RGSL1: variants seen among roughly 807,000 people sequenced by gnomAD.
RGSL1 encodes regulator of G protein signaling protein-like.
In RGSL1, 97 loss-of-function variants were observed where a neutral mutation model predicts 124.7. The observed-to-expected ratio is 0.78, with a 90% CI of 0.66 to 0.92. RGSL1 has a LOEUF of 0.92. Ranked by LOEUF, RGSL1 falls within the 40% of genes least tolerant of loss-of-function variation. The pLI is 0.00. For missense variants in RGSL1, 1,233 were observed against 1,288.4 expected (o/e 0.96, Z 0.66); for synonymous variants, 424 against 438.1 (o/e 0.97, Z 0.40).
At chr1:182,480,183 G>A (rs1654588660) in intron 6 of RGSL1, among the ~76,000 whole-genome samples, 1 of 152,174 alleles carries the variant, frequency 6.6e-6, no homozygotes, top group South Asian at 2.1e-4. Context: ...AACAGCAACA[G>A]AATAATTATT....
At chr1:182,544,552 T>C (rs1313280834) in intron 15 of RGSL1, among the ~76,000 whole-genome samples, 4 of 151,966 alleles carry the variant, frequency 2.6e-5, no homozygotes, top group African/African-American at 9.7e-5. Flanking sequence ...TTGTTGTTGA[T>C]TTTCTATCTG....
chr1:182,496,819 G>C (rs1655946207), intron 9 of RGSL1, among the ~76,000 whole-genome samples: 2 of 152,162 alleles, frequency 1.3e-5, no homozygotes, highest in Admixed American at 1.3e-4. Context: ...AAAGATGCAA[G>C]ATGCAATCTA....
rs541288266 is a variant in RGSL1 at position 182,469,164 on chromosome 1, G to A, written c.302-3232G>A. Among the ~76,000 whole-genome samples the A allele has an allele frequency of 2.3e-4, 35 of 151,962 alleles. No homozygotes were observed. The South Asian group carries it at 7.3e-3, about 32-fold the overall frequency. On this transcript the variant is annotated intron_variant, in intron 4 of 21. Transcript: ENST00000294854. Reference sequence around the variant, plus strand: ...AAGGAAGAAGCAACAACAAAGAATTGGGCTTCATAAAAAATCAAAAAACTT... The same window carrying A: ...AAGGAAGAAGCAACAACAAAGAATTAGGCTTCATAAAAAATCAAAAAACTT...
At chr1:182,459,402 G>A (rs1018456011) in intron 3 of RGSL1, among the ~76,000 whole-genome samples, 12 of 152,084 alleles carry the variant, frequency 7.9e-5, no homozygotes, top group African/African-American at 2.2e-4. Flanking sequence ...ACAAGGTTTC[G>A]CTTTCCCTGA....
Position 182,474,049 on chromosome 1 carries a change from A to T in RGSL1, c.938A>T (p.His313Leu). ...TRISSLEKDM[H>L]YAKISSMENK... The stretch of plus-strand genomic sequence containing the variant: ...ATCAGTTCCCTGGAAAAGGATATGC[A>T]TTATGCAAAAATATCCAGCATGGAG... Residue 313 changes from histidine to leucine, a missense_variant, in exon 6 of 22, where the codon CAT becomes CTT. Transcript: ENST00000294854. 1 of 1,551,824 alleles carries T rather than the reference A, an allele frequency of 6.4e-7. No individual in the cohort carries two copies. The highest frequency in any genetic ancestry group is 2.0e-5 in the Admixed American group (1 of 51,012).
At chr1:182,516,437 C>T (rs1439640392) in intron 9 of RGSL1, among the ~76,000 whole-genome samples, 1 of 152,220 alleles carries the variant, frequency 6.6e-6, no homozygotes, top group Non-Finnish European at 1.5e-5. Context: ...GGATTGAGCT[C>T]ATTTACATTC....
intron 1 of RGSL1, among the ~76,000 whole-genome samples, chr1:182,451,490 GA>G (rs1651825363): frequency 8.7e-6 from 1 of 115,372 alleles, no homozygotes; most frequent in Admixed American, 8.5e-5. Flanking sequence ...CTGTGCTTAA[GA>G]AAACATTTGA....
chr1:182,530,157 A>C, intron 11 of RGSL1, 87 bp from the exon 12 acceptor site: 1 of 971,646 alleles, frequency 1.0e-6, no homozygotes, highest in Non-Finnish European at 1.5e-6. Flanking sequence ...TGAGACTCTA[A>C]GATAAAAAAA....
At chr1:182,518,724 G>A (rs1050727654) in intron 9 of RGSL1, among the ~76,000 whole-genome samples, 1 of 152,174 alleles carries the variant, frequency 6.6e-6, no homozygotes, top group Non-Finnish European at 1.5e-5. Context: ...AATGCGGGGA[G>A]GGGTATCTCA....
Position 182,554,689 on chromosome 1 carries a change from CA to C in RGSL1, c.3194del (p.Gln1065ArgfsTer29), listed in dbSNP as rs773724838. The C allele has an allele frequency of 9.7e-6, 15 of 1,551,672 alleles. No homozygotes were observed. The South Asian group carries it at 1.5e-4, about 16-fold the overall frequency. ...ATCTGCCATGCAGCTGCATCCCGTC[CA>C]GGGGTAGGCATGAGCTGGAAATCCT... ...VVSAMQLHPVQGQKLSYIKKE... is the reference protein window; with the variant it reads ...VVSAMQLHPVXGQKLSYIKKE... On this transcript the variant is annotated frameshift_variant, in exon 20 of 22. Transcript: ENST00000294854. LOFTEE classifies it high-confidence loss of function.
chr1:182,466,642 A>T (rs1653353995), intron 4 of RGSL1, among the ~76,000 whole-genome samples: 1 of 152,186 alleles, frequency 6.6e-6, no homozygotes, highest in Non-Finnish European at 1.5e-5. Context: ...GACTTGCACA[A>T]TAAAAACTAC....
chr1:182,466,180 G>A (rs1306605567), intron 4 of RGSL1, among the ~76,000 whole-genome samples: 2 of 151,736 alleles, frequency 1.3e-5, no homozygotes, highest in African/African-American at 2.4e-5. Flanking sequence ...CATAATAAAA[G>A]CTACATATGA....
rs192452736 is a variant in RGSL1 at position 182,460,046 on chromosome 1, C to T, written c.214C>T (p.Arg72Ter). Residue 72 changes from arginine (R) to a stop codon, truncating the protein, a stop_gained, in exon 4 of 22, where the codon CGA (arginine) becomes TGA (stop). Coordinates refer to ENST00000294854, the MANE Select transcript of RGSL1 (RefSeq NM_001137669.2). LOFTEE classifies it high-confidence loss of function. ...KGLLTWLEKC[R>*]LPFFCKTNLC... Reference sequence around the variant, plus strand: ...GTTATTGACCTGGTTGGAAAAATGCCGATTACCTTTCTTCTGTAAAACAAA... The same window carrying T: ...GTTATTGACCTGGTTGGAAAAATGCTGATTACCTTTCTTCTGTAAAACAAA... The T allele has an allele frequency of 3.3e-5, 51 of 1,551,556 alleles. No individual in the cohort carries two copies. In the African/African-American group the frequency reaches 4.5e-4, roughly 14 times the overall value.
chr1:182,454,012 A>AT lies in RGSL1; in HGVS notation c.74dup (p.Asn26GlnfsTer18), dbSNP rs749100022. Reference sequence around the variant, plus strand: ...CTGCTAGAGGATGAAGTCTTTGCCGATTTTTTCAACACATTTCTTTCCCTC... The same window carrying AT: ...CTGCTAGAGGATGAAGTCTTTGCCGATTTTTTTCAACACATTTCTTTCCCTC... On this transcript the variant is annotated frameshift_variant, in exon 2 of 22. Coordinates refer to ENST00000294854, the MANE Select transcript of RGSL1 (RefSeq NM_001137669.2). LOFTEE classifies it high-confidence loss of function. 3.9e-6 allele frequency: 6 copies of AT among 1,534,790 alleles called. No individual in the cohort carries two copies. The East Asian group carries it at 1.5e-4, about 38-fold the overall frequency.
At chr1:182,476,868 G>C (rs1245812893) in intron 6 of RGSL1, among the ~76,000 whole-genome samples, 1 of 152,000 alleles carries the variant, frequency 6.6e-6, no homozygotes, top group Admixed American at 6.5e-5. Context: ...ACAGATAACT[G>C]CATGGCTTAG....
At chr1:182,525,238 A>G (rs1658654485) in intron 10 of RGSL1, among the ~76,000 whole-genome samples, 1 of 152,144 alleles carries the variant, frequency 6.6e-6, no homozygotes, top group Non-Finnish European at 1.5e-5. Flanking sequence ...TATAAGACAC[A>G]CACACAAACA....
At chr1:182,551,459 A>G (rs1660559004) in intron 18 of RGSL1, among the ~76,000 whole-genome samples, 1 of 152,198 alleles carries the variant, frequency 6.6e-6, no homozygotes, top group Non-Finnish European at 1.5e-5. Context: ...TGCCGGTCAC[A>G]GTCTATGCTG....
chr1:182,474,553 C>T lies in RGSL1; in HGVS notation c.1431+11C>T, dbSNP rs1472340869. 1.3e-6 allele frequency: 2 copies of T among 1,527,014 alleles called. No homozygotes were observed. Among genetic ancestry groups the T allele is most frequent in the Admixed American group, 2.1e-5 (1 of 47,582 alleles). The allele number at this position is 1,527,014 out of a possible 1,614,324, so 94.6% of individuals were successfully genotyped here. ...AAGGAGATTTGCAAGGTAGGCCATGCCTCACAGAAATAAGTTATATCTGGC... is the reference window on the plus strand; with the variant it reads ...AAGGAGATTTGCAAGGTAGGCCATGTCTCACAGAAATAAGTTATATCTGGC... On this transcript the variant is annotated intron_variant, in intron 6 of 21. Coordinates refer to ENST00000294854, the MANE Select transcript of RGSL1 (RefSeq NM_001137669.2).
intron 9 of RGSL1, among the ~76,000 whole-genome samples, chr1:182,499,350 A>G (rs182727058): frequency 9.2e-5 from 14 of 152,178 alleles, no homozygotes; most frequent in African/African-American, 3.4e-4. Context: ...TGATCCTGGG[A>G]GCTCCTGTAT....
Sources: allele counts gnomAD v4.1 joint callset (sites outside exome capture counted in the v4.1 genomes callset), GRCh38; gene constraint gnomAD v4.1.1; transcripts MANE v1.5; gene names NCBI Gene and HGNC (gene_info 2026-07-23, HGNC 2026-07-21).